The following ATP9A variants were observed in gnomAD, a reference collection of about 807,000 sequenced individuals.
ATP9A encodes the protein probable phospholipid-transporting ATPase IIA.
ATP9A carries 52 observed loss-of-function variants against 144.1 expected under a neutral mutation model. The ratio of observed to expected loss-of-function variants is 0.36; its 90% CI spans 0.29 to 0.45. The LOEUF (loss-of-function observed/expected upper bound fraction) is 0.45, where lower values mean the gene tolerates loss of function less well. Among genes scored for constraint, ATP9A ranks in the 20% least tolerant of loss-of-function variants. The pLI, the probability that ATP9A is intolerant of heterozygous loss-of-function variation, is 1.00. For synonymous variants in ATP9A, 582 were observed against 557.4 expected (o/e 1.04, Z -0.62); for missense variants, 947 against 1,392.7 (o/e 0.68, Z 5.09).
intron 1 of ATP9A, among the ~76,000 whole-genome samples, chr20:51,765,845 T>A (rs1231725787): frequency 1.3e-5 from 2 of 151,914 alleles, no homozygotes; most frequent in African/African-American, 4.8e-5. Flanking sequence ...TAATCCCAGC[T>A]ACTTGGGAAG....
chr20:51,710,632 G>T (rs2077634213), intron 4 of ATP9A, among the ~76,000 whole-genome samples: 1 of 152,148 alleles, frequency 6.6e-6, no homozygotes, highest in Non-Finnish European at 1.5e-5. Flanking sequence ...CTAGGGTCTG[G>T]GTTAATATTC....
chr20:51,667,900 T>A (rs975899074), intron 13 of ATP9A, among the ~76,000 whole-genome samples: 3 of 150,698 alleles, frequency 2.0e-5, no homozygotes, highest in Non-Finnish European at 4.4e-5. Flanking sequence ...CTATAAAAAA[T>A]AAACCAAATT....
At chr20:51,748,705 C>T (rs554728169) in intron 1 of ATP9A, among the ~76,000 whole-genome samples, 7 of 152,296 alleles carry the variant, frequency 4.6e-5, no homozygotes, top group African/African-American at 1.4e-4. Context: ...TCACTTCAGC[C>T]ATTCCCCTTC....
rs553832804 is a variant in ATP9A at position 51,712,434 on chromosome 20, A to G, written c.436+532T>C. The stretch of plus-strand genomic sequence containing the variant: ...ATAACTCTGACATACACAACTGGTC[A>G]TTTATTTTTGGATCAGACTCCATGC... On this transcript the variant is annotated intron_variant, in intron 4 of 27. Coordinates refer to ENST00000338821, the MANE Select transcript of ATP9A (RefSeq NM_006045.3). Among the ~76,000 whole-genome samples the G allele has an allele frequency of 4.6e-5, 7 of 152,284 alleles. No individual in the cohort carries two copies. In the East Asian group the frequency reaches 1.2e-3, roughly 25 times the overall value.
chr20:51,687,753 G>C (rs2077529335), intron 9 of ATP9A, among the ~76,000 whole-genome samples: 1 of 128,376 alleles, frequency 7.8e-6, no homozygotes, highest in Non-Finnish European at 1.7e-5. Flanking sequence ...AACAGAATGA[G>C]ACCCTGTCTC....
rs2077128741 is a variant in ATP9A, at chr20:51,598,495, T to C, written c.*2716A>G. 1 of 152,246 alleles carries C rather than the reference T, an allele frequency of 6.6e-6. No individual in the cohort carries two copies. Among genetic ancestry groups the C allele is most frequent in the Admixed American group, 6.5e-5 (1 of 15,286 alleles). The allele number at this position is 152,246 out of a possible 1,614,324, so 9.4% of individuals were successfully genotyped here. ...TGTCAATGGCGCTTTATGTAAGTTC[T>C]TTCCAGATTGATGAACCAAGAAAAA... On this transcript the variant is annotated 3_prime_UTR_variant, in exon 28 of 28. Transcript: ENST00000338821.
intron 9 of ATP9A, among the ~76,000 whole-genome samples, chr20:51,677,418 T>G (rs149064412): frequency 6.6e-6 from 1 of 152,186 alleles, no homozygotes; most frequent in Non-Finnish European, 1.5e-5. Flanking sequence ...AGTAGCTACC[T>G]CATGGAACAG....
chr20:51,674,635 T>C (rs527503662), intron 10 of ATP9A, among the ~76,000 whole-genome samples: 1 of 152,320 alleles, frequency 6.6e-6, no homozygotes, highest in African/African-American at 2.4e-5. Context: ...AGCGAGTTAC[T>C]GCTGTGCTGG....
chr20:51,643,204 C>T (rs1470205476), intron 14 of ATP9A, among the ~76,000 whole-genome samples: 2 of 152,172 alleles, frequency 1.3e-5, no homozygotes, highest in Non-Finnish European at 2.9e-5. Flanking sequence ...GAGCTTTGAG[C>T]TTTGACCAAT....
At position 51,627,704 on chromosome 20, in the gene ATP9A, G is replaced by A. The variant is rs747683977; in HGVS notation, c.1762-21C>T. ...CCACACTGAAAAATAGACCACGGTC[G>A]AGTGGGAGCGGTGCTGAGAGCTCCT... On this transcript the variant is annotated intron_variant, in intron 16 of 27. Coordinates refer to ENST00000338821, the MANE Select transcript of ATP9A (RefSeq NM_006045.3). 9.3e-6 allele frequency: 15 copies of A among 1,608,556 alleles called. No individual in the cohort carries two copies. In the African/African-American group the frequency reaches 1.5e-4, roughly 16 times the overall value.
chr20:51,708,672 G>A (rs1398547224), intron 4 of ATP9A, among the ~76,000 whole-genome samples: 1 of 152,186 alleles, frequency 6.6e-6, no homozygotes, highest in African/African-American at 2.4e-5. Flanking sequence ...GGAGGTGGAG[G>A]TTGCAGTGAG....
In ATP9A at chr20:51,656,926, G is replaced by A. The variant is rs772566660; in HGVS notation, c.1506+12C>T. 2 of 1,611,472 alleles carry A rather than the reference G, an allele frequency of 1.2e-6. No individual in the cohort carries two copies. Among genetic ancestry groups the A allele is most frequent in the Admixed American group, 1.7e-5 (1 of 59,830 alleles). On this transcript the variant is annotated intron_variant, in intron 14 of 27. Transcript: ENST00000338821. ...GGCCTCCCCATGCCTTGCTGCACCT[G>A]CCCAGGTTTACCTCATCGGGGCTGG...
chr20:51,682,772 T>C (rs1235413044), intron 9 of ATP9A, among the ~76,000 whole-genome samples: 10 of 149,684 alleles, frequency 6.7e-5, no homozygotes, highest in Non-Finnish European at 1.0e-4. Flanking sequence ...TTTGTATTTT[T>C]AGTAGAGGCG....
intron 14 of ATP9A, among the ~76,000 whole-genome samples, chr20:51,647,443 C>T (rs975456521): frequency 6.6e-6 from 1 of 151,568 alleles, no homozygotes; most frequent in Non-Finnish European, 1.5e-5. Flanking sequence ...CCCAGCTACT[C>T]GGGAGGCTGA....
chr20:51,684,445 C>G (rs1330904431), intron 9 of ATP9A, among the ~76,000 whole-genome samples: 1 of 152,030 alleles, frequency 6.6e-6, no homozygotes, highest in Non-Finnish European at 1.5e-5. Context: ...GCCTGTAATC[C>G]CAGCACTTTG....
Position 51,701,532 on chromosome 20 carries a change from C to T in ATP9A, c.437-4050G>A, listed in dbSNP as rs191206007. On this transcript the variant is annotated intron_variant, in intron 4 of 27. Coordinates refer to ENST00000338821, the MANE Select transcript of ATP9A (RefSeq NM_006045.3). ...TCTCTGTCCATCTGTTCTGCCTCAA[C>T]AAAAACCCCTTTAATCCTCTGTGTT... Among the ~76,000 whole-genome samples the T allele has an allele frequency of 3.0e-4, 46 of 152,278 alleles. 1 individual carries two copies. In the South Asian group the frequency reaches 3.7e-3, roughly 12 times the overall value.
At chr20:51,721,817 A>G (rs57669464) in intron 3 of ATP9A, among the ~76,000 whole-genome samples, 30,143 of 144,052 alleles carry the variant, frequency 0.21, 3,819 homozygotes, top group East Asian at 0.43. Flanking sequence ...AAAAAAAAAG[A>G]AAAAGAAAAA....
At chr20:51,648,549 TG>T (rs1261959996) in intron 14 of ATP9A, among the ~76,000 whole-genome samples, 1 of 152,190 alleles carries the variant, frequency 6.6e-6, no homozygotes, top group Non-Finnish European at 1.5e-5. Context: ...AACCTCTTAT[TG>T]GCCCAATGCA....
intron 1 of ATP9A, among the ~76,000 whole-genome samples, chr20:51,752,565 T>C (rs989541206): frequency 5.9e-5 from 9 of 152,222 alleles, no homozygotes; most frequent in Admixed American, 3.3e-4. Context: ...TTTCTGTGAG[T>C]GTGTAGAGAT....
Sources: allele counts gnomAD v4.1 joint callset (sites outside exome capture counted in the v4.1 genomes callset), GRCh38; gene constraint gnomAD v4.1.1; transcripts MANE v1.5; gene names NCBI Gene and HGNC (gene_info 2026-07-23, HGNC 2026-07-21).